The following NOX5 variants were observed in gnomAD, a reference collection of about 807,000 sequenced individuals.
NOX5 encodes NADPH oxidase, EF-hand calcium binding domain 5.
NOX5 carries 76 observed loss-of-function variants against 85.7 expected under a neutral mutation model. The ratio of observed to expected loss-of-function variants is 0.89; its 90% CI spans 0.74 to 1.07. NOX5 has a LOEUF of 1.07. NOX5 is among the 50% of genes least tolerant of loss of function. NOX5 has a pLI of 0.00. For synonymous variants in NOX5, 405 were observed against 401.4 expected (o/e 1.01, Z -0.11); for missense variants, 973 against 999.5 (o/e 0.97, Z 0.36).
chr15:69,026,035 C>A lies in NOX5; in HGVS notation c.51-493C>A, dbSNP rs552163197. Among the ~76,000 whole-genome samples, 8 of 152,330 alleles carry A rather than the reference C, an allele frequency of 5.3e-5. No homozygotes were observed. In the South Asian group the frequency reaches 1.7e-3, roughly 32 times the overall value. On this transcript the variant is annotated intron_variant, in intron 1 of 15. Transcript: ENST00000388866. ...GAATTTGAACTCTGTCTCTAACTTG[C>A]TGAATACATTTAGCTAAGTTACCTA...
chr15:69,024,328 A>G (rs1181588686), intron 1 of NOX5, among the ~76,000 whole-genome samples: 1 of 152,312 alleles, frequency 6.6e-6, no homozygotes, highest in Non-Finnish European at 1.5e-5. Flanking sequence ...TTTGTTGCCC[A>G]TGGTCAACCA....
chr15:69,025,951 A>G (rs2050352135), intron 1 of NOX5, among the ~76,000 whole-genome samples: 1 of 152,302 alleles, frequency 6.6e-6, no homozygotes, highest in South Asian at 2.1e-4. Context: ...ATCTTGTATC[A>G]CAAGCATTTA....
chr15:69,033,701 C>CTTTTTTTTTTTT (rs570603838), intron 5 of NOX5, among the ~76,000 whole-genome samples: 2 of 119,288 alleles, frequency 1.7e-5, no homozygotes, highest in Non-Finnish European at 3.5e-5. Context: ...TCTTTTTTTT[C>CTTTTTTTTTTTT]TTTTTTTTTT....
chr15:69,051,450 G>A (rs1470782778), intron 14 of NOX5, among the ~76,000 whole-genome samples: 6 of 151,712 alleles, frequency 4.0e-5, no homozygotes, highest in Admixed American at 3.3e-4. Context: ...GTGCAGTGGC[G>A]CTCACTGCCA....
chr15:69,032,411 T>G (rs992770374), intron 4 of NOX5, among the ~76,000 whole-genome samples: 1 of 142,610 alleles, frequency 7.0e-6, no homozygotes, highest in African/African-American at 2.6e-5. Context: ...TGTATTAACT[T>G]TTTTTTTTTT....
At position 69,035,893 on chromosome 15, in the gene NOX5, TCA is replaced by T. The variant is rs766595044; in HGVS notation, c.1146_1147del (p.Ile383LeufsTer13). ...CTGCTGCTGCTGCTCCTCCTCATGT[TCA>T]TCTGCTCCAGTTCCTGCATCCGCAG... On this transcript the variant is annotated frameshift_variant, in exon 7 of 16. Coordinates refer to ENST00000388866, the MANE Select transcript of NOX5 (RefSeq NM_024505.4). LOFTEE classifies it high-confidence loss of function. The T allele has an allele frequency of 1.9e-6, 3 of 1,614,172 alleles. No individual in the cohort carries two copies. Among genetic ancestry groups the T allele is most frequent in the Non-Finnish European group, 2.5e-6 (3 of 1,180,030 alleles).
intron 9 of NOX5, among the ~76,000 whole-genome samples, chr15:69,040,638 C>T (rs1041202916): frequency 1.3e-5 from 2 of 152,110 alleles, no homozygotes. Flanking sequence ...ATGGGCGTGT[C>T]ATGTATTTCA....
rs201937790 is a variant in NOX5, at chr15:69,042,661, A to G, written c.1505-2A>G. On this transcript the variant is annotated splice_acceptor_variant, in intron 9 of 15. Coordinates refer to ENST00000388866, the MANE Select transcript of NOX5 (RefSeq NM_024505.4). LOFTEE classifies it high-confidence loss of function. The stretch of plus-strand genomic sequence containing the variant: ...TTCCCCTCCCACTCTTCTCTTTCTC[A>G]GACACTATCTGGCTGCACATTCGGT... 270 of 1,612,270 alleles carry G rather than the reference A, an allele frequency of 1.7e-4. No homozygotes were observed. The highest frequency in any genetic ancestry group is 2.2e-4 in the Non-Finnish European group (259 of 1,179,586).
At chr15:69,055,935 T>G (rs1012220852) in intron 15 of NOX5, among the ~76,000 whole-genome samples, 45 of 152,234 alleles carry the variant, frequency 3.0e-4, no homozygotes, top group Non-Finnish European at 1.5e-5. Flanking sequence ...TCCTGAACAC[T>G]TACTTGTCAG....
intron 8 of NOX5, 138 bp from the exon 9 acceptor site, chr15:69,038,719 A>T: frequency 8.3e-7 from 1 of 1,208,656 alleles, no homozygotes; most frequent in Non-Finnish European, 1.2e-6. Flanking sequence ...ACCACTCAGA[A>T]GCACAGAAGA....
chr15:69,023,496 T>C (rs2050319949), intron 1 of NOX5: 2 of 361,370 alleles, frequency 5.5e-6, no homozygotes, highest in Non-Finnish European at 1.1e-5. Context: ...AGAGCCAGGG[T>C]TGTCTTCTTG....
chr15:69,035,580 C>A, intron 6 of NOX5, 73 bp downstream of exon 6: 1 of 1,582,012 alleles, frequency 6.3e-7, no homozygotes, highest in South Asian at 1.2e-5. Flanking sequence ...AGGGCCCAGC[C>A]CCTGTGTGTA....
chr15:69,037,459 C>G, intron 8 of NOX5: 1 of 513,550 alleles, frequency 1.9e-6, no homozygotes, highest in South Asian at 2.4e-5. Context: ...GAACAGTCTC[C>G]TTCAGCTCAG....
intron 1 of NOX5, among the ~76,000 whole-genome samples, 185 bp from the exon 2 acceptor site, chr15:69,026,343 A>T (rs927188874): frequency 6.6e-6 from 1 of 152,172 alleles, no homozygotes; most frequent in Non-Finnish European, 1.5e-5. Context: ...GAAGAGACTG[A>T]GGCATAGGGA....
At chr15:69,043,051 A>T (rs2050616249) in intron 10 of NOX5, among the ~76,000 whole-genome samples, 1 of 152,184 alleles carries the variant, frequency 6.6e-6, no homozygotes, top group Non-Finnish European at 1.5e-5. Context: ...GAGAGTGGAA[A>T]TTGAAATCAG....
chr15:69,019,918 C>G (rs1458183526), intron 1 of NOX5, among the ~76,000 whole-genome samples: 1 of 152,212 alleles, frequency 6.6e-6, no homozygotes, highest in African/African-American at 2.4e-5. Context: ...CCACTTCCCC[C>G]AACTACAAAA....
chr15:69,039,852 C>T (rs1391716720), intron 9 of NOX5, among the ~76,000 whole-genome samples: 2 of 152,250 alleles, frequency 1.3e-5, no homozygotes, highest in African/African-American at 4.8e-5. Context: ...GCTACCTGGA[C>T]CTCTGCCCTT....
At chr15:69,045,472 CCCTCCCTT>C (rs141310890) in intron 10 of NOX5, among the ~76,000 whole-genome samples, 4,888 of 149,910 alleles carry the variant, frequency 0.033, 219 homozygotes, top group East Asian at 0.19. Context: ...CTCCTTCCTT[CCCTCCCTT>C]CCTCCCTTCC....
At chr15:69,028,725 C>CT (rs2050392081) in intron 3 of NOX5, 1 of 165,022 alleles carries the variant, frequency 6.1e-6, no homozygotes, top group Non-Finnish European at 1.3e-5. Context: ...TATAAGCTCA[C>CT]TATGAACATT....
Sources: allele counts gnomAD v4.1 joint callset (sites outside exome capture counted in the v4.1 genomes callset), GRCh38; gene constraint gnomAD v4.1.1; transcripts MANE v1.5; gene names NCBI Gene and HGNC (gene_info 2026-07-23, HGNC 2026-07-21).